The following IQCH variants were observed in gnomAD, a reference collection of about 807,000 sequenced individuals.
IQCH encodes the protein IQ motif containing H.
Under a neutral mutation model 117.0 loss-of-function variants are expected in IQCH, and 98 were observed. That is an observed-to-expected ratio of 0.84 (90% confidence interval 0.71 to 0.99). IQCH has a LOEUF of 0.99. Among genes scored for constraint, IQCH ranks in the 50% least tolerant of loss-of-function variants. The pLI is 0.00. For missense variants in IQCH, 1,102 were observed against 1,243.8 expected (o/e 0.89, Z 1.72); for synonymous variants, 412 against 448.2 (o/e 0.92, Z 1.02).
chr15:67,394,670 T>G (rs1046262986), intron 12 of IQCH, among the ~76,000 whole-genome samples: 2 of 152,214 alleles, frequency 1.3e-5, no homozygotes, highest in Admixed American at 6.5e-5. Flanking sequence ...CAAAAAGAGT[T>G]TTTCACTGAA....
At chr15:67,492,149 G>A (rs16950940) in intron 19 of IQCH, among the ~76,000 whole-genome samples, 20,888 of 152,100 alleles carry the variant, frequency 0.14, 1,645 homozygotes, top group East Asian at 0.2. Flanking sequence ...AAGTTGGCAT[G>A]CATGGGAATA....
intron 10 of IQCH, among the ~76,000 whole-genome samples, chr15:67,377,127 A>G (rs896153700): frequency 2.0e-5 from 3 of 150,718 alleles, no homozygotes; most frequent in East Asian, 1.9e-4. Flanking sequence ...AAAAAAAAAA[A>G]AAAAGAAAAA....
chr15:67,271,217 C>T (rs1271681806), intron 3 of IQCH, among the ~76,000 whole-genome samples: 1 of 152,208 alleles, frequency 6.6e-6, no homozygotes, highest in Non-Finnish European at 1.5e-5. Context: ...ATCCGCCCAG[C>T]TTGGCCTCCC....
intron 4 of IQCH, chr15:67,307,106 A>T: frequency 1.7e-6 from 2 of 1,179,170 alleles, no homozygotes; most frequent in Non-Finnish European, 1.0e-6. Flanking sequence ...TATAACTGTT[A>T]TGACCTAGAA....
chr15:67,294,824 AC>A (rs1186864213), intron 4 of IQCH, among the ~76,000 whole-genome samples: 1 of 152,204 alleles, frequency 6.6e-6, no homozygotes, highest in Non-Finnish European at 1.5e-5. Flanking sequence ...GTGGTTCAGC[AC>A]CATGGTCTCT....
rs868205247 is a variant in IQCH at position 67,494,867 on chromosome 15, G to A, written c.2970+501G>A. On this transcript the variant is annotated intron_variant, in intron 20 of 20. Transcript: ENST00000335894. The surrounding 1 kb of genome is among the most constrained non-coding windows in gnomAD (Gnocchi z 5.5). ...CATCTACCCCACCCGTTTCTCCACC[G>A]TGGGTTGGATTATTTCACTACTAAC... 2.0e-5 allele frequency among the ~76,000 whole-genome samples: 3 copies of A among 152,134 alleles called. No individual in the cohort carries two copies. The highest frequency in any genetic ancestry group is 1.9e-4 in the East Asian group (1 of 5,196).
rs2082670528 is a variant in IQCH at position 67,456,912 on chromosome 15, G to C, written c.2506-8215G>C. The stretch of plus-strand genomic sequence containing the variant: ...GGCAGTGTCCAAGGGGATTGGTACA[G>C]AGATGGAAGCTCTAGTTGCTCAAAG... On this transcript the variant is annotated intron_variant, in intron 16 of 20. Transcript: ENST00000335894. The surrounding 1 kb of genome is among the most constrained non-coding windows in gnomAD (Gnocchi z 5.1). Among the ~76,000 whole-genome samples the C allele has an allele frequency of 6.6e-6, 1 of 151,984 alleles. No individual in the cohort carries two copies. Among genetic ancestry groups the C allele is most frequent in the East Asian group, 1.9e-4 (1 of 5,192 alleles).
At chr15:67,336,934 A>G in intron 4 of IQCH, 41 bp from the exon 5 acceptor site, 6 of 1,606,702 alleles carry the variant, frequency 3.7e-6, no homozygotes, top group Non-Finnish European at 5.1e-6. Flanking sequence ...GTTCACTGTG[A>G]AGGCAAAAAT....
At chr15:67,478,958 C>A (rs1287377086) in intron 18 of IQCH, among the ~76,000 whole-genome samples, 2 of 151,916 alleles carry the variant, frequency 1.3e-5, no homozygotes, top group African/African-American at 4.8e-5. Context: ...AGAAAAGGCG[C>A]AGATAATAAA....
At chr15:67,326,213 G>A (rs1596187142) in intron 4 of IQCH, among the ~76,000 whole-genome samples, 1 of 152,078 alleles carries the variant, frequency 6.6e-6, no homozygotes, top group East Asian at 1.9e-4. Flanking sequence ...GAGAACATGT[G>A]GTGTTTGGTT....
At position 67,432,706 on chromosome 15, in the gene IQCH, A is replaced by G. The variant is rs895903862; in HGVS notation, c.2505+11129A>G. Among the ~76,000 whole-genome samples the G allele has an allele frequency of 6.6e-6, 1 of 152,252 alleles. No individual in the cohort carries two copies. Among genetic ancestry groups the G allele is most frequent in the African/African-American group, 2.4e-5 (1 of 41,456 alleles). On this transcript the variant is annotated intron_variant, in intron 16 of 20. Transcript: ENST00000335894. The surrounding 1 kb of genome is among the most constrained non-coding windows in gnomAD (Gnocchi z 5.0). ...CATTATCATCATCTCAAAGTGATAT[A>G]TAAGCATCAAAAATGAATACATTTA...
At chr15:67,266,902 TATC>T (rs1965699641) in intron 3 of IQCH, among the ~76,000 whole-genome samples, 3 of 152,258 alleles carry the variant, frequency 2.0e-5, no homozygotes, top group Admixed American at 2.0e-4. Flanking sequence ...GGATGCTTAT[TATC>T]TTGAAAATAC....
In IQCH at chr15:67,381,974, C is replaced by T. The variant is rs1970946192; in HGVS notation, c.1373-2962C>T. Among the ~76,000 whole-genome samples, 1 of 120,602 alleles carries T rather than the reference C, an allele frequency of 8.3e-6. No homozygotes were observed. Among genetic ancestry groups the T allele is most frequent in the African/African-American group, 3.0e-5 (1 of 33,508 alleles). The allele number at this position is 120,602 out of a possible 152,430, so 79.1% of individuals were successfully genotyped here. On this transcript the variant is annotated intron_variant, in intron 10 of 20. Transcript: ENST00000335894. The surrounding 1 kb of genome is among the most constrained non-coding windows in gnomAD (Gnocchi z 5.1). The stretch of plus-strand genomic sequence containing the variant: ...GCCAGCCTGGGCAACAGAGTGATAC[C>T]CTGTCAAAAAAAAAAAAAGAATTAA...
intron 4 of IQCH, among the ~76,000 whole-genome samples, chr15:67,319,609 G>GT (rs1968017489): frequency 6.6e-6 from 1 of 152,140 alleles, no homozygotes; most frequent in South Asian, 2.1e-4. Flanking sequence ...AGAAGGTATT[G>GT]TTTTTTCAAT....
In IQCH at chr15:67,463,729, C is replaced by T. The variant is rs999710263; in HGVS notation, c.2506-1398C>T. ...CAGCCCTGATTTCATTAGACAAACCCAGTCTGTCCTTTCTTTCTGCTTCAG... is the reference window on the plus strand; with the variant it reads ...CAGCCCTGATTTCATTAGACAAACCTAGTCTGTCCTTTCTTTCTGCTTCAG... On this transcript the variant is annotated intron_variant, in intron 16 of 20. Coordinates refer to ENST00000335894, the MANE Select transcript of IQCH (RefSeq NM_001031715.3). The surrounding 1 kb of genome is among the most constrained non-coding windows in gnomAD (Gnocchi z 4.0). 6.6e-6 allele frequency among the ~76,000 whole-genome samples: 1 copy of T among 152,198 alleles called. No homozygotes were observed.
intron 16 of IQCH, among the ~76,000 whole-genome samples, chr15:67,461,479 G>T (rs1261666715): frequency 6.6e-6 from 1 of 152,220 alleles, no homozygotes; most frequent in Non-Finnish European, 1.5e-5. Flanking sequence ...TGACAGTCTA[G>T]AAGGGGAGAT....
chr15:67,487,457 C>CACACACAA (rs947916233), intron 18 of IQCH, among the ~76,000 whole-genome samples: 1 of 150,506 alleles, frequency 6.6e-6, no homozygotes, highest in Non-Finnish European at 1.5e-5. Flanking sequence ...CACACACACA[C>CACACACAA]AACCCTCATT....
intron 18 of IQCH, among the ~76,000 whole-genome samples, chr15:67,482,178 T>A (rs1408879413): frequency 1.3e-5 from 2 of 152,122 alleles, no homozygotes; most frequent in African/African-American, 2.4e-5. Flanking sequence ...GAATAGCGTC[T>A]ATGCTCATGA....
chr15:67,282,154 G>A (rs1966386239), intron 4 of IQCH: 1 of 154,022 alleles, frequency 6.5e-6, no homozygotes, highest in Non-Finnish European at 1.4e-5. Context: ...TGTGATAAAG[G>A]GAGCTTAAAC....
Sources: allele counts gnomAD v4.1 joint callset (sites outside exome capture counted in the v4.1 genomes callset), GRCh38; gene constraint gnomAD v4.1.1; non-coding constraint Gnocchi (gnomAD v3.1); transcripts MANE v1.5; gene names NCBI Gene and HGNC (gene_info 2026-07-23, HGNC 2026-07-21).